Variants in SPARCL1 observed in about 807,000 individuals in gnomAD.
SPARCL1 encodes SPARC like 1, also known as SPARC-like protein 1.
Under a neutral mutation model 67.1 loss-of-function variants are expected in SPARCL1, and 52 were observed. The observed-to-expected ratio is 0.78, with a 90% CI of 0.62 to 0.98. The LOEUF is 0.98. Ranked by LOEUF, SPARCL1 falls within the 50% of genes least tolerant of loss-of-function variation. The pLI is 0.00. For missense variants in SPARCL1, 717 were observed against 782.4 expected (o/e 0.92, Z 1.00); for synonymous variants, 226 against 267.8 (o/e 0.84, Z 1.52).
intron 2 of SPARCL1, among the ~76,000 whole-genome samples, chr4:87,498,596 C>T (rs1173679472): frequency 2.0e-5 from 3 of 152,146 alleles, no homozygotes; most frequent in Non-Finnish European, 4.4e-5. Flanking sequence ...GCCACTGACA[C>T]GGTTTCAAAT....
At position 87,494,176 on chromosome 4, in the gene SPARCL1, T is replaced by G; in HGVS notation, c.624A>C (p.Pro208=). ...SNGEEEEEKE[P]GEVGTHNDNQ... ...TATCATTGTGGGTACCAACTTCACC[T>G]GGCTCTTTTTCTTCTTCCTCTTCTC... The change falls in exon 4 of 11, where the codon CCA becomes CCC. Residue 208 remains proline, a synonymous_variant. Coordinates refer to ENST00000282470, the MANE Select transcript of SPARCL1 (RefSeq NM_004684.6). The G allele has an allele frequency of 6.2e-7, 1 of 1,614,044 alleles. No homozygotes were observed. The highest frequency in any genetic ancestry group is 8.5e-7 in the Non-Finnish European group (1 of 1,180,030).
intron 1 of SPARCL1, among the ~76,000 whole-genome samples, chr4:87,525,691 A>G (rs1726009699): frequency 6.6e-6 from 1 of 152,232 alleles, no homozygotes; most frequent in African/African-American, 2.4e-5. Context: ...ACATTTAGCT[A>G]CTGCAATGGG....
rs746170845 is a variant in SPARCL1, at chr4:87,490,832, T to G, written c.1338A>C (p.Ala446=). The change falls in exon 6 of 11, where the codon GCA becomes GCC. Residue 446 remains alanine (A), a synonymous_variant. Coordinates refer to ENST00000282470, the MANE Select transcript of SPARCL1 (RefSeq NM_004684.6). ...FQCKRGHICK[A]DQQGKPHCVC... is the part of the protein sequence containing the mutation. Reference sequence around the variant, plus strand: ...CACAGTGAGGTTTTCCCTGTTGGTCTGCCTTACAGATGTGGCCTCTTTTAC... The same window carrying G: ...CACAGTGAGGTTTTCCCTGTTGGTCGGCCTTACAGATGTGGCCTCTTTTAC... 1.9e-5 allele frequency: 31 copies of G among 1,612,606 alleles called. No individual in the cohort carries two copies. The highest frequency in any genetic ancestry group is 2.6e-5 in the Non-Finnish European group (31 of 1,179,240).
At chr4:87,507,696 G>A (rs2110246478) in intron 1 of SPARCL1, among the ~76,000 whole-genome samples, 1 of 152,278 alleles carries the variant, frequency 6.6e-6, no homozygotes. Context: ...AATGAATTCT[G>A]ACACTGTGTA....
intron 1 of SPARCL1, among the ~76,000 whole-genome samples, chr4:87,522,644 C>A (rs1177754944): frequency 1.3e-5 from 1 of 79,406 alleles, no homozygotes; most frequent in Admixed American, 1.0e-4. Flanking sequence ...CCACCAAACA[C>A]ACACACACAC....
At chr4:87,499,221 G>T (rs1305038169) in intron 2 of SPARCL1, among the ~76,000 whole-genome samples, 1 of 152,148 alleles carries the variant, frequency 6.6e-6, no homozygotes, top group African/African-American at 2.4e-5. Flanking sequence ...TTCCCTGGGA[G>T]AATTTATTTC....
chr4:87,474,869 A>T (rs12644045), intron 10 of SPARCL1, among the ~76,000 whole-genome samples: 16,140 of 151,574 alleles, frequency 0.11, 923 homozygotes, highest in East Asian at 0.17. Context: ...CAGCCTCCCG[A>T]GTGGCTGGGA....
chr4:87,479,503 A>G lies in SPARCL1; in HGVS notation c.1893T>C (p.Phe631=), dbSNP rs781471762. The G allele has an allele frequency of 4.3e-6, 7 of 1,614,106 alleles. No homozygotes were observed. The Admixed American group carries it at 1.2e-4, about 27-fold the overall frequency. The part of the protein sequence containing the change: ...VPMEHCITRF[F]EECDPNKDKH... Reference sequence around the variant, plus strand: ...TATCCTTGTTGGGGTCACACTCCTCAAAGAAACGGGTTATGCAGTGTTCCA... The same window carrying G: ...TATCCTTGTTGGGGTCACACTCCTCGAAGAAACGGGTTATGCAGTGTTCCA... Residue 631 remains phenylalanine (F), a synonymous_variant, in exon 10 of 11, where the codon TTT becomes TTC. Transcript: ENST00000282470.
intron 9 of SPARCL1, among the ~76,000 whole-genome samples, chr4:87,479,994 G>T (rs1723743568): frequency 6.6e-6 from 1 of 151,846 alleles, no homozygotes. Context: ...AAACTTGGGA[G>T]CTGTGGTGTA....
chr4:87,491,564 G>T, intron 5 of SPARCL1, 54 bp downstream of exon 5: 1 of 1,402,878 alleles, frequency 7.1e-7, no homozygotes, highest in Non-Finnish European at 1.0e-6. Context: ...CAAAGTGGCA[G>T]ATTCCATTTC....
chr4:87,480,136 C>G (rs1278343907), intron 9 of SPARCL1, among the ~76,000 whole-genome samples: 1 of 151,648 alleles, frequency 6.6e-6, no homozygotes. Context: ...AAAACATAAA[C>G]TTTATCAACA....
At chr4:87,509,030 A>C (rs966516794) in intron 1 of SPARCL1, among the ~76,000 whole-genome samples, 23 of 148,244 alleles carry the variant, frequency 1.6e-4, no homozygotes, top group African/African-American at 5.6e-4. Context: ...ACATGTATCT[A>C]TATATGTATT....
intron 10 of SPARCL1, among the ~76,000 whole-genome samples, chr4:87,477,808 T>C (rs1424721496): frequency 2.6e-5 from 4 of 152,196 alleles, no homozygotes; most frequent in Admixed American, 6.5e-5. Context: ...TCCTGACCCT[T>C]GGAAACCGTG....
chr4:87,514,974 G>A (rs1175737311), intron 1 of SPARCL1, among the ~76,000 whole-genome samples: 1 of 152,120 alleles, frequency 6.6e-6, no homozygotes, highest in African/African-American at 2.4e-5. Context: ...TGAGACATTC[G>A]AGTTTGGTGT....
intron 6 of SPARCL1, 52 bp from the exon 7 acceptor site, chr4:87,490,445 A>G (rs1327860024): frequency 6.4e-7 from 1 of 1,570,300 alleles, no homozygotes; most frequent in South Asian, 1.2e-5. Context: ...GCTCACTGGA[A>G]GACACTCTGC....
rs564907826 is a variant in SPARCL1, at chr4:87,511,652, T to C, written c.-11-12067A>G. Among the ~76,000 whole-genome samples the C allele has an allele frequency of 1.1e-4, 17 of 152,110 alleles. No homozygotes were observed. The South Asian group carries it at 3.3e-3, about 30-fold the overall frequency. On this transcript the variant is annotated intron_variant, in intron 1 of 10. Transcript: ENST00000282470. ...AGAGTCACATGAGAAAAGGGAAGTG[T>C]TAAATGTCACAGAGAGTTCAAAGCA...
At chr4:87,503,483 C>T (rs1425194972) in intron 1 of SPARCL1, among the ~76,000 whole-genome samples, 6 of 152,096 alleles carry the variant, frequency 3.9e-5, no homozygotes, top group African/African-American at 1.4e-4. Flanking sequence ...CTTTTCCTAT[C>T]ATTATTCTGG....
Position 87,490,786 on chromosome 4 carries a change from AAG to A in SPARCL1, c.1382_1383del (p.Thr461MetfsTer8), listed in dbSNP as rs754412496. 9 of 1,611,938 alleles carry A rather than the reference AAG, an allele frequency of 5.6e-6. No homozygotes were observed. The highest frequency in any genetic ancestry group is 7.6e-6 in the Non-Finnish European group (9 of 1,178,670). ...TGATCAAGGGGTTTTGTTGGAGGAC[AAG>A]TCACTGGATCCTGGCAGACACAGTG... ...KPHCVCQDPV[T>X]CPPTKPLDQV... On this transcript the variant is annotated frameshift_variant, in exon 6 of 11. Coordinates refer to ENST00000282470, the MANE Select transcript of SPARCL1 (RefSeq NM_004684.6). LOFTEE classifies it high-confidence loss of function.
At position 87,500,059 on chromosome 4, in the gene SPARCL1, G is replaced by T. The variant is rs866909075; in HGVS notation, c.-11-474C>A. On this transcript the variant is annotated intron_variant, in intron 1 of 10. Transcript: ENST00000282470. Reference sequence around the variant, plus strand: ...TTCATCTGATTTAGAGGTCTTTACTGGCAATCTGTGAGTTAGGGGTGGCCT... The same window carrying T: ...TTCATCTGATTTAGAGGTCTTTACTTGCAATCTGTGAGTTAGGGGTGGCCT... 1.3e-5 allele frequency among the ~76,000 whole-genome samples: 2 copies of T among 152,306 alleles called. 1 individual carries two copies. The highest frequency in any genetic ancestry group is 4.1e-4 in the South Asian group (2 of 4,826).
Sources: allele counts gnomAD v4.1 joint callset (sites outside exome capture counted in the v4.1 genomes callset), GRCh38; gene constraint gnomAD v4.1.1; transcripts MANE v1.5; gene names NCBI Gene and HGNC (gene_info 2026-07-23, HGNC 2026-07-21).